Variants in CAMK1D observed in about 807,000 individuals in gnomAD.
CAMK1D encodes calcium/calmodulin-dependent protein kinase type 1D.
CAMK1D carries 9 observed loss-of-function variants against 47.7 expected under a neutral mutation model. The observed-to-expected ratio is 0.19, with a 90% confidence interval of 0.11 to 0.33. CAMK1D has a LOEUF of 0.33. Among genes scored for constraint, CAMK1D ranks in the 10% least tolerant of loss-of-function variants. The pLI is 1.00. For missense variants in CAMK1D, 291 were observed against 488.7 expected (o/e 0.60, Z 3.81); for synonymous variants, 184 against 184.9 (o/e 0.99, Z 0.04).
At chr10:12,728,046 G>A (rs577227184) in intron 3 of CAMK1D, among the ~76,000 whole-genome samples, 115 of 152,282 alleles carry the variant, frequency 7.6e-4, no homozygotes, top group Non-Finnish European at 1.3e-3. Flanking sequence ...GATTACAGGC[G>A]TGAGTCACAG....
intron 1 of CAMK1D, among the ~76,000 whole-genome samples, chr10:12,356,769 G>C (rs553800440): frequency 8.8e-4 from 133 of 150,812 alleles, no homozygotes; most frequent in African/African-American, 3.1e-3. Context: ...ACAAACTTCA[G>C]TGTCCTTATT....
intron 2 of CAMK1D, among the ~76,000 whole-genome samples, chr10:12,610,978 A>G (rs1172979673): frequency 6.6e-6 from 1 of 152,198 alleles, no homozygotes. Flanking sequence ...AGCCCTCAGT[A>G]TATACTAGGC....
chr10:12,587,737 A>G (rs1282549849), intron 2 of CAMK1D, among the ~76,000 whole-genome samples: 1 of 152,126 alleles, frequency 6.6e-6, no homozygotes, highest in Non-Finnish European at 1.5e-5. Context: ...TCCTATTTAC[A>G]TATCATTTTA....
In CAMK1D at chr10:12,804,306, G is replaced by A. The variant is rs373004968; in HGVS notation, c.642-9889G>A. Among the ~76,000 whole-genome samples, 9 of 152,108 alleles carry A rather than the reference G, an allele frequency of 5.9e-5. 1 individual carries two copies. In the Middle Eastern group the frequency reaches 0.014, roughly 230 times the overall value. On this transcript the variant is annotated intron_variant, in intron 6 of 10. Coordinates refer to ENST00000619168, the MANE Select transcript of CAMK1D (RefSeq NM_153498.4). ...CTTGTTCATCAAAGAATAATCGATCGACAAATATTCATTAAATAGTATCGA... is the reference window on the plus strand; with the variant it reads ...CTTGTTCATCAAAGAATAATCGATCAACAAATATTCATTAAATAGTATCGA...
intron 1 of CAMK1D, among the ~76,000 whole-genome samples, chr10:12,457,353 T>C (rs1202631490): frequency 1.3e-5 from 2 of 151,266 alleles, no homozygotes; most frequent in Non-Finnish European, 2.9e-5. Flanking sequence ...ATCGAGCCAC[T>C]GCCCTCCAGC....
rs940876106 is a variant in CAMK1D, at chr10:12,666,093, G to A, written c.225-643G>A. Among the ~76,000 whole-genome samples the A allele has an allele frequency of 3.9e-5, 6 of 152,036 alleles. No individual in the cohort carries two copies. In the East Asian group the frequency reaches 9.6e-4, roughly 24 times the overall value. ...CCTGCTAAGCTCTTTGTAGATGCTG[G>A]TGCTGCCTGTTTGAGAACCACACTT... is the stretch of plus-strand genomic sequence containing the variant. On this transcript the variant is annotated intron_variant, in intron 2 of 10. Transcript: ENST00000619168.
At chr10:12,458,486 A>G in intron 1 of CAMK1D, among the ~76,000 whole-genome samples, 1 of 151,806 alleles carries the variant, frequency 6.6e-6, no homozygotes, top group East Asian at 1.9e-4. Flanking sequence ...GCACGATCAT[A>G]GCTCACCACA....
chr10:12,484,379 G>A (rs1834150915), intron 1 of CAMK1D, among the ~76,000 whole-genome samples: 1 of 152,200 alleles, frequency 6.6e-6, no homozygotes, highest in Admixed American at 6.5e-5. Flanking sequence ...AGGAGATCCT[G>A]GGCTAAAACA....
intron 1 of CAMK1D, among the ~76,000 whole-genome samples, chr10:12,509,180 G>A (rs889326248): frequency 6.6e-6 from 1 of 152,230 alleles, no homozygotes; most frequent in Non-Finnish European, 1.5e-5. Context: ...AGCCGCCAAT[G>A]GGAAGGGGCC....
At chr10:12,505,041 C>T (rs1343865387) in intron 1 of CAMK1D, among the ~76,000 whole-genome samples, 1 of 152,242 alleles carries the variant, frequency 6.6e-6, no homozygotes, top group Non-Finnish European at 1.5e-5. Context: ...GCAGGGCAGT[C>T]AGGTACCATC....
intron 2 of CAMK1D, among the ~76,000 whole-genome samples, chr10:12,591,218 A>C (rs1372756164): frequency 6.6e-6 from 1 of 152,146 alleles, no homozygotes; most frequent in Non-Finnish European, 1.5e-5. Context: ...TGGAGTTCTG[A>C]CTTCCAGTCT....
intron 2 of CAMK1D, among the ~76,000 whole-genome samples, chr10:12,640,153 C>T (rs1839627259): frequency 6.6e-6 from 1 of 152,148 alleles, no homozygotes; most frequent in Non-Finnish European, 1.5e-5. Flanking sequence ...TCTTAGAAAA[C>T]TCTTCATTTG....
At chr10:12,708,244 C>T (rs559607957) in intron 3 of CAMK1D, among the ~76,000 whole-genome samples, 3 of 152,320 alleles carry the variant, frequency 2.0e-5, no homozygotes, top group South Asian at 4.1e-4. Flanking sequence ...TGACAGTGCA[C>T]TCCCAGCTTA....
Position 12,422,079 on chromosome 10 carries a change from G to A in CAMK1D, c.92+72169G>A, listed in dbSNP as rs568264161. 6.6e-5 allele frequency among the ~76,000 whole-genome samples: 10 copies of A among 152,048 alleles called. No homozygotes were observed. In the East Asian group the frequency reaches 1.7e-3, roughly 27 times the overall value. Reference sequence around the variant, plus strand: ...CCGCCTTGGCCTTCCAAAGTGCTGGGATTACAGGTGTGAGCCACTGTGCCC... The same window carrying A: ...CCGCCTTGGCCTTCCAAAGTGCTGGAATTACAGGTGTGAGCCACTGTGCCC... On this transcript the variant is annotated intron_variant, in intron 1 of 10. Transcript: ENST00000619168.
At chr10:12,649,375 A>G (rs78102093) in intron 2 of CAMK1D, among the ~76,000 whole-genome samples, 8,152 of 152,278 alleles carry the variant, frequency 0.054, 383 homozygotes, top group African/African-American at 0.13. Flanking sequence ...AATGGCCAGG[A>G]GCTGTGTGCT....
chr10:12,711,048 G>C (rs1285832136), intron 3 of CAMK1D, among the ~76,000 whole-genome samples: 3 of 152,118 alleles, frequency 2.0e-5, no homozygotes, highest in Non-Finnish European at 4.4e-5. Flanking sequence ...GTTGGATAGA[G>C]CTCCCAGTCA....
At chr10:12,409,521 C>A (rs1253409559) in intron 1 of CAMK1D, among the ~76,000 whole-genome samples, 1 of 152,210 alleles carries the variant, frequency 6.6e-6, no homozygotes, top group Non-Finnish European at 1.5e-5. Context: ...TGGGCTCAAG[C>A]CATTCTTCCG....
In CAMK1D at chr10:12,362,533, C is replaced by G. The variant is rs544460148; in HGVS notation, c.92+12623C>G. Among the ~76,000 whole-genome samples, 989 of 152,186 alleles carry G rather than the reference C, an allele frequency of 6.5e-3. 8 individuals are homozygous for G. Among genetic ancestry groups the G allele is most frequent in the African/African-American group, 0.023 (943 of 41,502 alleles). On this transcript the variant is annotated intron_variant, in intron 1 of 10. Transcript: ENST00000619168. The stretch of plus-strand genomic sequence containing the variant: ...GTTTGTTTGAGATGGAGTCTCGCCC[C>G]GTCCCCCAGGCTGGAGTGCAGTGGC...
At chr10:12,688,168 A>G (rs890153554) in intron 3 of CAMK1D, among the ~76,000 whole-genome samples, 3 of 152,196 alleles carry the variant, frequency 2.0e-5, no homozygotes, top group Non-Finnish European at 4.4e-5. Context: ...GACATGTGTC[A>G]TTACCTTTTC....
Sources: allele counts gnomAD v4.1 joint callset (sites outside exome capture counted in the v4.1 genomes callset), GRCh38; gene constraint gnomAD v4.1.1; transcripts MANE v1.5; gene names NCBI Gene and HGNC (gene_info 2026-07-23, HGNC 2026-07-21).